The following FGGY variants were observed in gnomAD, a reference collection of about 807,000 sequenced individuals.
FGGY encodes the protein FGGY carbohydrate kinase domain containing.
Under a neutral mutation model 71.3 loss-of-function variants are expected in FGGY, and 72 were observed. That is an observed-to-expected ratio of 1.01 (90% CI 0.84 to 1.23). The LOEUF is 1.23. FGGY is among the 50% of genes most tolerant of loss of function. The probability of loss-of-function intolerance (pLI) is 0.00; values close to 1 mark genes in which losing one functional copy is unlikely to be tolerated. For missense variants in FGGY, 668 were observed against 682.3 expected (o/e 0.98, Z 0.23); for synonymous variants, 251 against 250.3 (o/e 1.00, Z -0.02).
chr1:59,583,398 A>C, intron 8 of FGGY, among the ~76,000 whole-genome samples: 1 of 143,654 alleles, frequency 7.0e-6, no homozygotes, highest in Non-Finnish European at 1.5e-5. Context: ...TCTTATTTTT[A>C]CATTGACACT....
upstream of FGGY, chr1:59,296,930 C>T (rs936695550): frequency 3.9e-5 from 6 of 152,528 alleles, no homozygotes; most frequent in African/African-American, 1.2e-4. Flanking sequence ...CCTCTCAGTC[C>T]CACGTGGGCG....
chr1:59,398,807 G>T (rs937899335), intron 5 of FGGY, among the ~76,000 whole-genome samples: 1 of 152,178 alleles, frequency 6.6e-6, no homozygotes, highest in Non-Finnish European at 1.5e-5. Flanking sequence ...ACTTGGTCAT[G>T]TCTTTGCAAA....
intron 7 of FGGY, among the ~76,000 whole-genome samples, chr1:59,544,515 T>C (rs2095492419): frequency 6.6e-6 from 1 of 151,950 alleles, no homozygotes; most frequent in South Asian, 2.1e-4. Context: ...TAGGGGAGAA[T>C]GGTGGGGGAA....
At chr1:59,458,537 T>A (rs2091920187) in intron 6 of FGGY, among the ~76,000 whole-genome samples, 1 of 152,248 alleles carries the variant, frequency 6.6e-6, no homozygotes, top group Non-Finnish European at 1.5e-5. Context: ...TCCTCTTTCC[T>A]GCCTCACACA....
At chr1:59,565,375 C>T (rs1186710937) in intron 8 of FGGY, among the ~76,000 whole-genome samples, 1 of 152,098 alleles carries the variant, frequency 6.6e-6, no homozygotes. Flanking sequence ...AGCTCTGCCT[C>T]CCGGGTTCAC....
chr1:59,490,413 A>G (rs982033503), intron 6 of FGGY, among the ~76,000 whole-genome samples: 3 of 152,124 alleles, frequency 2.0e-5, no homozygotes, highest in Non-Finnish European at 4.4e-5. Context: ...TATTCTGGAT[A>G]TTAATGTCTT....
chr1:59,467,982 C>T (rs1485665272), intron 6 of FGGY, among the ~76,000 whole-genome samples: 2 of 151,964 alleles, frequency 1.3e-5, no homozygotes, highest in Non-Finnish European at 2.9e-5. Flanking sequence ...CGGCTCACTG[C>T]AACCTCTGCC....
At chr1:59,708,962 G>C (rs925929659) in intron 14 of FGGY, among the ~76,000 whole-genome samples, 1 of 152,184 alleles carries the variant, frequency 6.6e-6, no homozygotes, top group Admixed American at 6.5e-5. Context: ...CTGATTCCTA[G>C]AATTTTGGAT....
intron 14 of FGGY, among the ~76,000 whole-genome samples, chr1:59,727,327 AT>A (rs1430626275): frequency 6.6e-6 from 1 of 152,154 alleles, no homozygotes; most frequent in Non-Finnish European, 1.5e-5. Flanking sequence ...TGTCTTCACT[AT>A]TATGAATAGC....
At chr1:59,688,789 G>T (rs550141642) in intron 14 of FGGY, among the ~76,000 whole-genome samples, 1 of 148,672 alleles carries the variant, frequency 6.7e-6, no homozygotes, top group Non-Finnish European at 1.5e-5. Flanking sequence ...TCACTCTGTC[G>T]CCTAGGCTGG....
chr1:59,653,398 C>G (rs1203881775), intron 11 of FGGY, among the ~76,000 whole-genome samples: 2 of 152,056 alleles, frequency 1.3e-5, no homozygotes, highest in Non-Finnish European at 2.9e-5. Flanking sequence ...TGCTAGCAAT[C>G]AGCGAGATTC....
intron 4 of FGGY, among the ~76,000 whole-genome samples, chr1:59,348,359 T>G (rs912641677): frequency 2.6e-5 from 4 of 152,182 alleles, no homozygotes; most frequent in Non-Finnish European, 4.4e-5. Flanking sequence ...CACTCGAGTT[T>G]CTCATCCTTA....
chr1:59,711,980 A>G (rs2100294508), intron 14 of FGGY, among the ~76,000 whole-genome samples: 1 of 152,248 alleles, frequency 6.6e-6, no homozygotes, highest in East Asian at 1.9e-4. Flanking sequence ...CATTAACTCA[A>G]AAGTCCCCAG....
chr1:59,637,236 A>T (rs1398678003), intron 10 of FGGY, among the ~76,000 whole-genome samples: 3 of 152,194 alleles, frequency 2.0e-5, no homozygotes. Flanking sequence ...TAGTGCTCTC[A>T]TGCCCATCAT....
At chr1:59,420,207 C>G (rs546800620) in intron 5 of FGGY, among the ~76,000 whole-genome samples, 1 of 151,460 alleles carries the variant, frequency 6.6e-6, no homozygotes, top group Admixed American at 6.6e-5. Context: ...TTCTCTCTCT[C>G]TGTACATCCT....
chr1:59,397,048 T>C (rs895968279), intron 5 of FGGY, among the ~76,000 whole-genome samples: 2 of 151,962 alleles, frequency 1.3e-5, no homozygotes, highest in African/African-American at 4.8e-5. Context: ...TTTTTTTTTT[T>C]TTTAAAAGAA....
At chr1:59,377,723 C>G (rs2058845444) in intron 4 of FGGY, among the ~76,000 whole-genome samples, 1 of 151,990 alleles carries the variant, frequency 6.6e-6, no homozygotes, top group East Asian at 1.9e-4. Flanking sequence ...GAAACCCCCT[C>G]AAGGAATGGT....
chr1:59,511,439 G>GAAATACTATAGA (rs200049430), intron 6 of FGGY, among the ~76,000 whole-genome samples: 1 of 152,140 alleles, frequency 6.6e-6, no homozygotes, highest in African/African-American at 2.4e-5. Context: ...AAATACTATA[G>GAAATACTATAGA]AATCCTTGGG....
At chr1:59,447,193 T>G (rs558828206) in intron 5 of FGGY, among the ~76,000 whole-genome samples, 1 of 152,328 alleles carries the variant, frequency 6.6e-6, no homozygotes, top group African/African-American at 2.4e-5. Flanking sequence ...AAGATGGTGA[T>G]TATAGTAGCT....
Sources: gnomAD v4.1 joint callset for allele counts (sites outside exome capture counted in the v4.1 genomes callset) on GRCh38, gnomAD v4.1.1 for gene constraint, MANE v1.5 for transcripts, NCBI Gene and HGNC (gene_info 2026-07-23, HGNC 2026-07-21) for gene names.